BTNL8: variants seen among roughly 807,000 people sequenced by gnomAD.
BTNL8 encodes the protein butyrophilin-like protein 8.
A neutral mutation model predicts 36.1 loss-of-function variants in BTNL8; 22 were observed. The observed-to-expected ratio is 0.61, with a 90% CI of 0.44 to 0.87. The LOEUF (loss-of-function observed/expected upper bound fraction) is 0.87, where lower values mean the gene tolerates loss of function less well. BTNL8 is among the 40% of genes least tolerant of loss of function. The pLI is 0.00. For synonymous variants in BTNL8, 203 were observed against 235.6 expected (o/e 0.86, Z 1.27); for missense variants, 526 against 616.9 (o/e 0.85, Z 1.56).
intron 3 of BTNL8, among the ~76,000 whole-genome samples, chr5:180,942,156 T>G (rs1759009604): frequency 6.6e-6 from 1 of 151,826 alleles, no homozygotes; most frequent in Admixed American, 6.6e-5. Flanking sequence ...AATAACAAAC[T>G]AGTTGAAAAA....
chr5:180,908,973 C>G (rs2113777543), intron 2 of BTNL8, 40 bp downstream of exon 2: 1 of 1,540,990 alleles, frequency 6.5e-7, no homozygotes, highest in Non-Finnish European at 8.8e-7. Context: ...CCCAAAGAAC[C>G]ATCCTGGACT....
intron 2 of BTNL8, among the ~76,000 whole-genome samples, 194 bp from the exon 3 acceptor site, chr5:180,911,145 C>T (rs929688872): frequency 1.3e-5 from 2 of 152,168 alleles, no homozygotes; most frequent in Admixed American, 6.5e-5. Context: ...GGAATAGCCA[C>T]GCATACACAG....
chr5:180,910,977 A>G (rs1757357622), intron 2 of BTNL8, among the ~76,000 whole-genome samples: 1 of 152,212 alleles, frequency 6.6e-6, no homozygotes, highest in Admixed American at 6.5e-5. Context: ...TTTTGTAGCA[A>G]CTGATTAGAG....
chr5:180,902,545 T>G, intron 1 of BTNL8: 1 of 788,470 alleles, frequency 1.3e-6, no homozygotes, highest in Non-Finnish European at 2.0e-6. Flanking sequence ...GCTTTTATAC[T>G]TTAAGTTTTA....
intron 1 of BTNL8, among the ~76,000 whole-genome samples, chr5:180,899,870 TA>T (rs1204928879): frequency 6.6e-6 from 1 of 152,222 alleles, no homozygotes; most frequent in African/African-American, 2.4e-5. Flanking sequence ...TCCTTCCAGT[TA>T]CTGTTAACAC....
intron 3 of BTNL8, 81 bp from the exon 4 acceptor site, chr5:180,947,431 A>G: frequency 6.5e-7 from 1 of 1,526,814 alleles, no homozygotes. Context: ...CATTGTGGGG[A>G]ACAAGGTGAC....
intron 3 of BTNL8, among the ~76,000 whole-genome samples, chr5:180,912,007 C>T (rs1456391649): frequency 2.0e-5 from 3 of 152,202 alleles, no homozygotes; most frequent in East Asian, 3.9e-4. Context: ...CTCCATAATG[C>T]GGGTGGGCTT....
intron 3 of BTNL8, among the ~76,000 whole-genome samples, chr5:180,924,363 A>C (rs1429991386): frequency 6.6e-6 from 1 of 152,192 alleles, no homozygotes; most frequent in Non-Finnish European, 1.5e-5. Context: ...CTGAGTGATC[A>C]AGCAGCAACC....
chr5:180,943,190 A>G (rs1019451975), intron 3 of BTNL8, among the ~76,000 whole-genome samples: 3 of 139,892 alleles, frequency 2.1e-5, no homozygotes, highest in Non-Finnish European at 4.5e-5. Flanking sequence ...ACTGCAGTGC[A>G]ATGGCGCAAT....
intron 2 of BTNL8, among the ~76,000 whole-genome samples, chr5:180,910,624 T>C (rs932222116): frequency 7.9e-5 from 12 of 152,220 alleles, no homozygotes; most frequent in Non-Finnish European, 1.6e-4. Context: ...AGTACTTTCC[T>C]ACTTTCTCTA....
chr5:180,912,776 AC>A, intron 3 of BTNL8, among the ~76,000 whole-genome samples: 1 of 152,186 alleles, frequency 6.6e-6, no homozygotes, highest in East Asian at 1.9e-4. Flanking sequence ...ACCATTTGCG[AC>A]CCATAATTAA....
chr5:180,923,517 C>A (rs1339196529), intron 3 of BTNL8, among the ~76,000 whole-genome samples: 1 of 152,064 alleles, frequency 6.6e-6, no homozygotes. Context: ...GCAGTTCTTT[C>A]ATCTGATAGA....
At chr5:180,899,443 C>T (rs1756729200) in intron 1 of BTNL8, 84 bp downstream of exon 1, 1 of 1,458,086 alleles carries the variant, frequency 6.9e-7, no homozygotes, top group Non-Finnish European at 9.6e-7. Context: ...GGAATGAAGG[C>T]ATCTTTGTCG....
chr5:180,907,759 T>G (rs1403130243), intron 1 of BTNL8, among the ~76,000 whole-genome samples: 2 of 152,012 alleles, frequency 1.3e-5, no homozygotes, highest in Non-Finnish European at 2.9e-5. Flanking sequence ...CAGCTGCAGG[T>G]CTGTTGGAGT....
intron 3 of BTNL8, among the ~76,000 whole-genome samples, chr5:180,914,577 T>TAG (rs752028042): frequency 2.0e-4 from 31 of 152,160 alleles, no homozygotes; most frequent in Non-Finnish European, 4.3e-4. Flanking sequence ...ACTTCAAAAA[T>TAG]AACTAAGTGG....
chr5:180,948,131 C>G, intron 4 of BTNL8: 1 of 697,190 alleles, frequency 1.4e-6, no homozygotes. Flanking sequence ...TCCACAGCAT[C>G]CCAGCTGTTG....
At position 180,907,630 on chromosome 5, in the gene BTNL8, T is replaced by C. The variant is rs1177457855; in HGVS notation, c.50-956T>C. Among the ~76,000 whole-genome samples, 4 of 150,858 alleles carry C rather than the reference T, an allele frequency of 2.7e-5. No individual in the cohort carries two copies. In the East Asian group the frequency reaches 7.8e-4, roughly 29 times the overall value. On this transcript the variant is annotated intron_variant, in intron 1 of 7. Transcript: ENST00000340184. ...TTTAGAGTTTCCAGTTTTTCTGTTC[T>C]GTTTTTTCCCCATCTTTGTGGTTTT...
At chr5:180,908,307 G>C (rs916708445) in intron 1 of BTNL8, among the ~76,000 whole-genome samples, 3 of 152,194 alleles carry the variant, frequency 2.0e-5, no homozygotes, top group Non-Finnish European at 4.4e-5. Context: ...CTTTGACTCG[G>C]AAAGGGAACT....
Position 180,935,069 on chromosome 5 carries a change from T to C in BTNL8, c.674-12443T>C, listed in dbSNP as rs1315503732. ...TAGCTCCTTCCTGCTTCTCACTTCATAGTCCTGATGTCTGTCTGAGTCTAG... is the reference window on the plus strand; with the variant it reads ...TAGCTCCTTCCTGCTTCTCACTTCACAGTCCTGATGTCTGTCTGAGTCTAG... On this transcript the variant is annotated intron_variant, in intron 3 of 7. Coordinates refer to ENST00000340184, the MANE Select transcript of BTNL8 (RefSeq NM_001040462.3). The surrounding 1 kb of genome is among the most constrained non-coding windows in gnomAD (Gnocchi z 4.8). Among the ~76,000 whole-genome samples the C allele has an allele frequency of 6.6e-6, 1 of 152,232 alleles. No homozygotes were observed. The highest frequency in any genetic ancestry group is 1.5e-5 in the Non-Finnish European group (1 of 68,042).
Sources: gnomAD v4.1 joint callset for allele counts (sites outside exome capture counted in the v4.1 genomes callset) on GRCh38, gnomAD v4.1.1 for gene constraint, Gnocchi (gnomAD v3.1) non-coding constraint, MANE v1.5 for transcripts, NCBI Gene and HGNC (gene_info 2026-07-23, HGNC 2026-07-21) for gene names.